The following FRY variants were observed in gnomAD, a reference collection of about 807,000 sequenced individuals.
The protein encoded by FRY is FRY microtubule binding protein.
In FRY, 128 loss-of-function variants were observed where a neutral mutation model predicts 348.4. The ratio of observed to expected loss-of-function variants is 0.37; its 90% CI spans 0.32 to 0.43. The LOEUF is 0.43. Ranked by LOEUF, FRY falls within the 20% of genes least tolerant of loss-of-function variation. The pLI is 1.00. For synonymous variants in FRY, 1,370 were observed against 1,374.7 expected (o/e 1.00, Z 0.08); for missense variants, 2,736 against 3,695.2 (o/e 0.74, Z 6.73).
chr13:32,282,868 C>T (rs900876301), intron 58 of FRY, among the ~76,000 whole-genome samples: 6 of 152,224 alleles, frequency 3.9e-5, no homozygotes, highest in Admixed American at 1.3e-4. Flanking sequence ...TACGGCCGAG[C>T]GTGGTGGCTC....
Position 32,237,491 on chromosome 13 carries a change from C to T in FRY, c.5923C>T (p.Arg1975Trp), listed in dbSNP as rs1249495488. 3.1e-6 allele frequency: 5 copies of T among 1,614,020 alleles called. No individual in the cohort carries two copies. Among genetic ancestry groups the T allele is most frequent in the East Asian group, 2.2e-5 (1 of 44,886 alleles). Residue 1975 changes from arginine to tryptophan, a missense_variant, in exon 44 of 61, where the codon CGG becomes TGG. Physicochemically the swap from Arg to Trp is moderately radical, Grantham distance 101. Coordinates refer to ENST00000542859, the MANE Select transcript of FRY (RefSeq NM_023037.3). This position sits in a 1 kb window ranked among gnomAD's most constrained non-coding sequence, Gnocchi z 6.3. ...CAGCGGCAACACCGCAACTGCCGAA[C>T]GGAGCCGGCATCAACGAAGCTTCTC... ...TTSGNTATAE[R>W]SRHQRSFSVP...
At chr13:32,117,656 C>T (rs974934817) in intron 4 of FRY, among the ~76,000 whole-genome samples, 183 bp downstream of exon 4, 1 of 152,120 alleles carries the variant, frequency 6.6e-6, no homozygotes, top group Non-Finnish European at 1.5e-5. Context: ...CACTGCCAGC[C>T]GTCACGGGTT....
rs10220065 is a variant in FRY at position 32,081,916 on chromosome 13, T to C, written c.270+2883T>C. Among the ~76,000 whole-genome samples the C allele has an allele frequency of 2.6e-3, 400 of 152,352 alleles. 2 individuals are homozygous for C. The highest frequency in any genetic ancestry group is 9.4e-3 in the African/African-American group (393 of 41,594). On this transcript the variant is annotated intron_variant, in intron 2 of 60. Transcript: ENST00000542859. ...TTTCTCTTGTTGAGTTAGCTTCTTT[T>C]ACAAAGACATTGAATGCTTTAAAAC...
At chr13:32,238,117 T>A in intron 44 of FRY, 131 bp downstream of exon 44, 2 of 955,120 alleles carry the variant, frequency 2.1e-6, no homozygotes, top group South Asian at 1.3e-5. Context: ...AGTAGTTTAT[T>A]TTTTCTCATA....
intron 11 of FRY, among the ~76,000 whole-genome samples, chr13:32,138,575 G>A (rs764265808): frequency 2.0e-5 from 3 of 152,134 alleles, no homozygotes; most frequent in Non-Finnish European, 4.4e-5. Context: ...CCAGAGAGGA[G>A]CAGGCCTGGG....
chr13:32,228,351 A>G, intron 39 of FRY, 105 bp from the exon 40 acceptor site: 1 of 877,284 alleles, frequency 1.1e-6, no homozygotes, highest in Non-Finnish European at 2.0e-6. Flanking sequence ...TCTCCCCAGA[A>G]TTTAAATAAC....
chr13:32,189,952 A>G (rs1883239032), intron 28 of FRY, among the ~76,000 whole-genome samples: 1 of 152,060 alleles, frequency 6.6e-6, no homozygotes, highest in Non-Finnish European at 1.5e-5. Flanking sequence ...AAGATGATTT[A>G]CCATGGTCAA....
chr13:32,037,864 C>CT (rs926079911), intron 1 of FRY, among the ~76,000 whole-genome samples: 4 of 152,134 alleles, frequency 2.6e-5, no homozygotes, highest in African/African-American at 9.7e-5. Flanking sequence ...ATTTCTGAGT[C>CT]TTATGTGATA....
chr13:32,165,195 T>C (rs772620448), intron 17 of FRY, among the ~76,000 whole-genome samples: 10 of 152,200 alleles, frequency 6.6e-5, no homozygotes, highest in Non-Finnish European at 1.2e-4. Context: ...ACGTTTTATG[T>C]GGTGTTTCCT....
intron 41 of FRY, 25 bp from the exon 42 acceptor site, chr13:32,234,549 T>G (rs1288534119): frequency 4.4e-6 from 7 of 1,608,544 alleles, no homozygotes; most frequent in Non-Finnish European, 6.0e-6. Context: ...GAGACTGACC[T>G]ATTCTGTGGC....
intron 4 of FRY, among the ~76,000 whole-genome samples, chr13:32,121,833 T>G (rs528039896): frequency 6.6e-6 from 1 of 152,252 alleles, no homozygotes; most frequent in South Asian, 2.1e-4. Flanking sequence ...TTTTGGGTTT[T>G]GGGTCATGAA....
chr13:32,033,254 AT>A (rs1566038558), intron 1 of FRY, among the ~76,000 whole-genome samples: 1 of 152,150 alleles, frequency 6.6e-6, no homozygotes, highest in African/African-American at 2.4e-5. Context: ...TCCTTTGTCT[AT>A]CTGCTCTTTG....
At position 32,091,542 on chromosome 13, in the gene FRY, T is replaced by G. The variant is rs140730831; in HGVS notation, c.271-10421T>G. On this transcript the variant is annotated intron_variant, in intron 2 of 60. Transcript: ENST00000542859. ...CCGTTATTCTTTGGTTCATACGAAGTAGAGTGCCTGCGGCTGGGTGTAGAT... is the reference window on the plus strand; with the variant it reads ...CCGTTATTCTTTGGTTCATACGAAGGAGAGTGCCTGCGGCTGGGTGTAGAT... Among the ~76,000 whole-genome samples, 337 of 152,290 alleles carry G rather than the reference T, an allele frequency of 2.2e-3. 1 individual carries two copies. The highest frequency in any genetic ancestry group is 7.8e-3 in the African/African-American group (324 of 41,564).
At chr13:32,236,538 A>AT (rs1232777969) in intron 43 of FRY, among the ~76,000 whole-genome samples, 1 of 152,184 alleles carries the variant, frequency 6.6e-6, no homozygotes, top group Non-Finnish European at 1.5e-5. Context: ...GCTAAATATT[A>AT]TTTTTAAATG....
At chr13:32,238,300 A>T (rs936793890) in intron 44 of FRY, among the ~76,000 whole-genome samples, 49 of 151,320 alleles carry the variant, frequency 3.2e-4, no homozygotes, top group Non-Finnish European at 5.6e-4. Flanking sequence ...GAAAAAAAAA[A>T]TTTTTTTTTC....
chr13:32,040,407 T>C (rs537736784), intron 1 of FRY, among the ~76,000 whole-genome samples: 26 of 152,358 alleles, frequency 1.7e-4, no homozygotes, highest in Admixed American at 1.6e-3. Context: ...GTGAAGGGTT[T>C]TGAATACTTC....
intron 1 of FRY, among the ~76,000 whole-genome samples, chr13:32,055,402 T>C (rs1873569903): frequency 6.6e-6 from 1 of 152,210 alleles, no homozygotes; most frequent in Admixed American, 6.5e-5. Context: ...GATGGTTTAC[T>C]AAATACTCTG....
intron 13 of FRY, among the ~76,000 whole-genome samples, 176 bp from the exon 14 acceptor site, chr13:32,149,572 C>T (rs1437517765): frequency 6.6e-6 from 1 of 152,084 alleles, no homozygotes; most frequent in Admixed American, 6.6e-5. Flanking sequence ...AGCAGCCCTA[C>T]CCTCGGTTCA....
chr13:32,198,189 G>T (rs899032199), intron 29 of FRY, among the ~76,000 whole-genome samples: 1 of 152,078 alleles, frequency 6.6e-6, no homozygotes, highest in South Asian at 2.1e-4. Context: ...TGATTACAAG[G>T]TCAAGTGCAT....
Sources: gnomAD v4.1 joint callset for allele counts (sites outside exome capture counted in the v4.1 genomes callset) on GRCh38, gnomAD v4.1.1 for gene constraint, Gnocchi (gnomAD v3.1) non-coding constraint, MANE v1.5 for transcripts, NCBI Gene and HGNC (gene_info 2026-07-23, HGNC 2026-07-21) for gene names.